The following FN3K variants were observed in gnomAD, a reference collection of about 807,000 sequenced individuals.
The protein encoded by FN3K is fructosamine 3 kinase, also known as fructosamine-3-kinase.
FN3K carries 24 observed loss-of-function variants against 24.8 expected under a neutral mutation model. The observed-to-expected ratio is 0.97, with a 90% CI of 0.70 to 1.36. The LOEUF is 1.36. FN3K is among the 40% of genes most tolerant of loss of function. The pLI, the probability that FN3K is intolerant of heterozygous loss-of-function variation, is 0.00. For missense variants in FN3K, 449 were observed against 416.7 expected, an observed-to-expected ratio of 1.08 and a Z score of -0.67; for synonymous variants, 192 against 175.2, an observed-to-expected ratio of 1.10 and a Z score of -0.76.
At position 82,751,173 on chromosome 17, in the gene FN3K, A is replaced by G. The variant is rs2047043586; in HGVS notation, c.*418A>G. On this transcript the variant is annotated 3_prime_UTR_variant, in exon 6 of 6. Transcript: ENST00000300784. Reference sequence around the variant, plus strand: ...CCTCCCAGATCCTGGGGACCAATAAAGCCCGCAGCGGGTCTCGGCTGGCGT... The same window carrying G: ...CCTCCCAGATCCTGGGGACCAATAAGGCCCGCAGCGGGTCTCGGCTGGCGT... The G allele has an allele frequency of 1.9e-5, 2 of 103,034 alleles. No homozygotes were observed. The highest frequency in any genetic ancestry group is 2.0e-4 in the Admixed American group (2 of 10,106). The allele number at this position is 103,034 out of a possible 1,614,324, so 6.4% of individuals were successfully genotyped here. A position where few individuals can be genotyped will look rare whatever the true frequency, so the allele number is the denominator to read the frequency against.
chr17:82,736,634 C>T (rs74000049), intron 1 of FN3K, among the ~76,000 whole-genome samples: 2,857 of 152,326 alleles, frequency 0.019, 77 homozygotes, highest in African/African-American at 0.063. Flanking sequence ...CCTGGGTGCC[C>T]TCCCGGCCCG....
At chr17:82,744,198 CT>C (rs2046956078) in intron 4 of FN3K, among the ~76,000 whole-genome samples, 1 of 152,166 alleles carries the variant, frequency 6.6e-6, no homozygotes, top group Non-Finnish European at 1.5e-5. Flanking sequence ...CAGGGAGATT[CT>C]TGGTGGGGGC....
rs143989545 is a variant in FN3K at position 82,739,704 on chromosome 17, G to A, written c.294-1059G>A. 3.9e-5 allele frequency among the ~76,000 whole-genome samples: 6 copies of A among 151,904 alleles called. No homozygotes were observed. In the East Asian group the frequency reaches 5.8e-4, roughly 15 times the overall value. On this transcript the variant is annotated intron_variant, in intron 2 of 5. Transcript: ENST00000300784. The stretch of plus-strand genomic sequence containing the variant: ...GATCTGCTGACCTCGTGATCTACCC[G>A]CCTTGACCTCCCAAAGTGCTGGGAT...
At chr17:82,738,849 C>T (rs1221237392) in intron 2 of FN3K, among the ~76,000 whole-genome samples, 1 of 150,390 alleles carries the variant, frequency 6.6e-6, no homozygotes, top group African/African-American at 2.5e-5. Flanking sequence ...TAAAAAGTTA[C>T]TGCTTTCTGG....
Position 82,750,733 on chromosome 17 carries a change from C to A in FN3K, c.908C>A (p.Thr303Asn). ...GREYRSPSLGTMRRLLK is the reference protein window; with the variant it reads ...GREYRSPSLGNMRRLLK ...GAGTACAGGAGCCCTTCCTTGGGCA[C>A]CATGCGAAGGCTGCTCAAGTAGCGG... Residue 303 changes from threonine to asparagine, a missense_variant, in exon 6 of 6, where the codon ACC becomes AAC. Thr to Asn is a moderately conservative substitution (Grantham distance 65, BLOSUM62 0). Transcript: ENST00000300784. 1 of 1,613,210 alleles carries A rather than the reference C, an allele frequency of 6.2e-7. No individual in the cohort carries two copies.
At chr17:82,736,843 T>G (rs1436894035) in intron 1 of FN3K, among the ~76,000 whole-genome samples, 1 of 152,176 alleles carries the variant, frequency 6.6e-6, no homozygotes, top group Non-Finnish European at 1.5e-5. Flanking sequence ...GGAAGCAGTT[T>G]TTGGTTCAGG....
chr17:82,739,807 G>A (rs1175416004), intron 2 of FN3K, among the ~76,000 whole-genome samples: 1 of 152,112 alleles, frequency 6.6e-6, no homozygotes, highest in East Asian at 1.9e-4. Context: ...TCAAACTCCT[G>A]ACCTCAGTGA....
At chr17:82,740,420 C>CAAA (rs71369031) in intron 2 of FN3K, among the ~76,000 whole-genome samples, 735 of 72,394 alleles carry the variant, frequency 0.01, 1 homozygote, top group East Asian at 0.014. Flanking sequence ...CCCATCTCTA[C>CAAA]AAAAAAAAAA....
intron 1 of FN3K, 36 bp from the exon 2 acceptor site, chr17:82,738,453 G>A: frequency 6.2e-7 from 1 of 1,611,504 alleles, no homozygotes; most frequent in Non-Finnish European, 8.5e-7. Flanking sequence ...CCCTGGCTGA[G>A]TCAACAAGGC....
At position 82,750,556 on chromosome 17, in the gene FN3K, T is replaced by A; in HGVS notation, c.731T>A (p.Phe244Tyr). Residue 244 changes from phenylalanine (F) to tyrosine (Y), a missense_variant, in exon 6 of 6, where the codon TTT becomes TAT. By Grantham distance (22) the Phe-to-Tyr change is conservative. Transcript: ENST00000300784. Reference protein sequence around the residue: ...DPASFYGHSEFELAIALMFGG... With the variant: ...DPASFYGHSEYELAIALMFGG... ...GCTTCCTTCTATGGCCATTCCGAGTTTGAACTGGCAATCGCCTTGATGTTT... is the reference window on the plus strand; with the variant it reads ...GCTTCCTTCTATGGCCATTCCGAGTATGAACTGGCAATCGCCTTGATGTTT... 1.2e-6 allele frequency: 2 copies of A among 1,614,176 alleles called. No individual in the cohort carries two copies.
At chr17:82,744,148 A>G (rs1235214490) in intron 4 of FN3K, among the ~76,000 whole-genome samples, 1 of 151,744 alleles carries the variant, frequency 6.6e-6, no homozygotes, top group African/African-American at 2.4e-5. Context: ...ACAGCACCAG[A>G]GGGTGAGCCC....
At chr17:82,738,223 G>A (rs927319314) in intron 1 of FN3K, 108 of 491,386 alleles carry the variant, frequency 2.2e-4, no homozygotes, top group Non-Finnish European at 3.6e-4. Flanking sequence ...GCACCCACAC[G>A]TGGCCTGTGC....
intron 5 of FN3K, among the ~76,000 whole-genome samples, chr17:82,750,211 T>C (rs1041774634): frequency 1.3e-5 from 2 of 152,196 alleles, no homozygotes; most frequent in African/African-American, 2.4e-5. Context: ...GTGTGGGGAT[T>C]CTAGACCTAA....
At position 82,750,542 on chromosome 17, in the gene FN3K, T is replaced by C; in HGVS notation, c.717T>C (p.Tyr239=). The C allele has an allele frequency of 1.2e-6, 2 of 1,614,176 alleles. No individual in the cohort carries two copies. Among genetic ancestry groups the C allele is most frequent in the Non-Finnish European group, 1.7e-6 (2 of 1,180,018 alleles). ...GPIIYDPASF[Y]GHSEFELAIA... is the part of the protein sequence containing the mutation. Reference sequence around the variant, plus strand: ...TTATTTACGACCCGGCTTCCTTCTATGGCCATTCCGAGTTTGAACTGGCAA... The same window carrying C: ...TTATTTACGACCCGGCTTCCTTCTACGGCCATTCCGAGTTTGAACTGGCAA... The change falls in exon 6 of 6, where the codon TAT becomes TAC. Residue 239 remains tyrosine (Y), a synonymous_variant. Coordinates refer to ENST00000300784, the MANE Select transcript of FN3K (RefSeq NM_022158.4).
At chr17:82,747,101 G>A (rs1056999669) in intron 4 of FN3K, among the ~76,000 whole-genome samples, 4 of 152,074 alleles carry the variant, frequency 2.6e-5, no homozygotes, top group African/African-American at 7.2e-5. Context: ...GGGATTACAG[G>A]TGTGAGCCAC....
At chr17:82,735,929 C>G (rs2256316) in intron 1 of FN3K, 152 bp downstream of exon 1, 160,026 of 1,005,336 alleles carry the variant, frequency 0.16, 13,902 homozygotes, top group Non-Finnish European at 0.17. Flanking sequence ...GAGCCCGGCT[C>G]AAGCGTTCTG....
chr17:82,735,962 C>A, intron 1 of FN3K, 185 bp downstream of exon 1: 1 of 734,458 alleles, frequency 1.4e-6, no homozygotes, highest in Non-Finnish European at 2.1e-6. Flanking sequence ...TCTGCACGAT[C>A]CGTGACCTTC....
chr17:82,741,941 C>T (rs1195347931), intron 4 of FN3K, among the ~76,000 whole-genome samples: 3 of 152,022 alleles, frequency 2.0e-5, no homozygotes, highest in Admixed American at 6.6e-5. Flanking sequence ...GCATTTTGCC[C>T]TTGTTGCCCA....
rs374127367 is a variant in FN3K at position 82,740,755 on chromosome 17, T to C, written c.294-8T>C. Reference sequence around the variant, plus strand: ...TATTTTAATTAGCTGCATTTCTTCTTTCCTCAGTCAAGCATCAAAACTTGG... The same window carrying C: ...TATTTTAATTAGCTGCATTTCTTCTCTCCTCAGTCAAGCATCAAAACTTGG... On this transcript the variant is annotated splice_region_variant and splice_polypyrimidine_tract_variant and intron_variant, in intron 2 of 5. Coordinates refer to ENST00000300784, the MANE Select transcript of FN3K (RefSeq NM_022158.4). 11 of 1,604,546 alleles carry C rather than the reference T, an allele frequency of 6.9e-6. No individual in the cohort carries two copies. In the Admixed American group the frequency reaches 1.0e-4, roughly 15 times the overall value.
Sources: allele counts gnomAD v4.1 joint callset (sites outside exome capture counted in the v4.1 genomes callset), GRCh38; gene constraint gnomAD v4.1.1; transcripts MANE v1.5; gene names NCBI Gene and HGNC (gene_info 2026-07-23, HGNC 2026-07-21).